The following FOXO3 variants were observed in gnomAD, a reference collection of about 807,000 sequenced individuals.
The protein encoded by FOXO3 is forkhead box protein O3.
A neutral mutation model predicts 41.9 loss-of-function variants in FOXO3; 4 were observed. The observed-to-expected ratio is 0.10, with a 90% CI of 0.05 to 0.22. FOXO3 has a LOEUF of 0.22. Among genes scored for constraint, FOXO3 ranks in the 10% least tolerant of loss-of-function variants. FOXO3 has a pLI of 1.00. For missense variants in FOXO3, 534 were observed against 906.8 expected (o/e 0.59, Z 5.28); for synonymous variants, 318 against 389.3 (o/e 0.82, Z 2.16).
At chr6:108,623,736 A>G (rs1777735682) in intron 1 of FOXO3, among the ~76,000 whole-genome samples, 1 of 152,138 alleles carries the variant, frequency 6.6e-6, no homozygotes, top group Admixed American at 6.5e-5. Context: ...AGGGGAAGGG[A>G]AGGAAATTCA....
Position 108,579,002 on chromosome 6 carries a change from A to G in FOXO3, c.621+17173A>G, listed in dbSNP as rs140702509. Among the ~76,000 whole-genome samples the G allele has an allele frequency of 5.6e-4, 85 of 152,328 alleles. 1 individual carries two copies. The highest frequency in any genetic ancestry group is 2.0e-3 in the African/African-American group (83 of 41,580). On this transcript the variant is annotated intron_variant, in intron 1 of 2. Transcript: ENST00000406360. ...AGCAGGGCCTCATGATCAGCTAGCTATATCAAACCTAGCTGGTGGCTTTAG... is the reference window on the plus strand; with the variant it reads ...AGCAGGGCCTCATGATCAGCTAGCTGTATCAAACCTAGCTGGTGGCTTTAG...
At chr6:108,671,501 C>T (rs1284887492) in intron 2 of FOXO3, among the ~76,000 whole-genome samples, 1 of 152,196 alleles carries the variant, frequency 6.6e-6, no homozygotes, top group Non-Finnish European at 1.5e-5. Flanking sequence ...AGTCAAGTCC[C>T]TCATCTCTCA....
At chr6:108,641,040 G>C (rs942137164) in intron 1 of FOXO3, among the ~76,000 whole-genome samples, 1 of 151,996 alleles carries the variant, frequency 6.6e-6, no homozygotes, top group Non-Finnish European at 1.5e-5. Context: ...CTCCTGAATA[G>C]CTGGGGTTAC....
intron 1 of FOXO3, among the ~76,000 whole-genome samples, chr6:108,572,386 A>G (rs755699802): frequency 1.2e-4 from 18 of 152,290 alleles, no homozygotes; most frequent in South Asian, 4.1e-4. Flanking sequence ...AGTGTGTCCT[A>G]TGGTTGGTTC....
At chr6:108,667,123 G>C (rs752717561) in intron 2 of FOXO3, among the ~76,000 whole-genome samples, 2 of 152,096 alleles carry the variant, frequency 1.3e-5, no homozygotes, top group Admixed American at 6.5e-5. Flanking sequence ...AGGCCTAAGA[G>C]ACCCCTAATG....
chr6:108,624,988 C>T (rs1449306107), intron 1 of FOXO3, among the ~76,000 whole-genome samples: 1 of 152,064 alleles, frequency 6.6e-6, no homozygotes, highest in Non-Finnish European at 1.5e-5. Flanking sequence ...TGCTTTGTTT[C>T]CCAGGCTGGT....
intron 1 of FOXO3, among the ~76,000 whole-genome samples, chr6:108,590,268 C>T (rs1225282829): frequency 6.6e-6 from 1 of 151,856 alleles, no homozygotes; most frequent in Non-Finnish European, 1.5e-5. Context: ...GAACTACAAG[C>T]GTGAGCCACC....
At chr6:108,628,732 C>T (rs1034636196) in intron 1 of FOXO3, among the ~76,000 whole-genome samples, 6 of 152,092 alleles carry the variant, frequency 3.9e-5, no homozygotes, top group Non-Finnish European at 7.4e-5. Context: ...ACTCTGCAGC[C>T]GGGTTATAGC....
At chr6:108,573,508 C>T (rs1776169369) in intron 1 of FOXO3, among the ~76,000 whole-genome samples, 3 of 152,050 alleles carry the variant, frequency 2.0e-5, no homozygotes, top group African/African-American at 7.2e-5. Context: ...AGGCTCCTTC[C>T]CTTGATTTTT....
At chr6:108,665,072 G>A (rs1779009653) in intron 2 of FOXO3, among the ~76,000 whole-genome samples, 183 bp downstream of exon 2, 1 of 152,200 alleles carries the variant, frequency 6.6e-6, no homozygotes, top group Non-Finnish European at 1.5e-5. Context: ...AAATAGGGCT[G>A]TCAGGTGCCC....
At chr6:108,626,587 T>C (rs1777819435) in intron 1 of FOXO3, among the ~76,000 whole-genome samples, 1 of 149,874 alleles carries the variant, frequency 6.7e-6, no homozygotes, top group Non-Finnish European at 1.5e-5. Flanking sequence ...TCTCAGATTA[T>C]TTTGTTTCCA....
intron 1 of FOXO3, among the ~76,000 whole-genome samples, chr6:108,661,255 A>T (rs1040593168): frequency 6.6e-6 from 1 of 151,844 alleles, no homozygotes; most frequent in African/African-American, 2.4e-5. Flanking sequence ...CGGCGGGGGG[A>T]ACATTCTGGT....
chr6:108,592,253 C>T (rs1275160541), intron 1 of FOXO3, among the ~76,000 whole-genome samples: 1 of 152,096 alleles, frequency 6.6e-6, no homozygotes, highest in Non-Finnish European at 1.5e-5. Context: ...TAAGCATATG[C>T]TTAAAATGGG....
At chr6:108,613,196 T>G (rs190367117) in intron 1 of FOXO3, among the ~76,000 whole-genome samples, 1 of 152,352 alleles carries the variant, frequency 6.6e-6, no homozygotes, top group East Asian at 1.9e-4. Flanking sequence ...GGAATATTGA[T>G]CTATACATTT....
At chr6:108,640,682 AATAG>A (rs560700624) in intron 1 of FOXO3, among the ~76,000 whole-genome samples, 196 of 152,308 alleles carry the variant, frequency 1.3e-3, no homozygotes, top group Non-Finnish European at 2.3e-3. Context: ...ATGTACAATT[AATAG>A]ATAGAAAATT....
At chr6:108,573,747 T>C (rs768559057) in intron 1 of FOXO3, among the ~76,000 whole-genome samples, 94 of 151,174 alleles carry the variant, frequency 6.2e-4, no homozygotes, top group Non-Finnish European at 1.1e-3. Flanking sequence ...GAGAATTGCT[T>C]GAACCCGGGA....
intron 1 of FOXO3, among the ~76,000 whole-genome samples, chr6:108,598,027 G>A (rs1299831295): frequency 1.3e-5 from 2 of 152,180 alleles, no homozygotes; most frequent in African/African-American, 4.8e-5. Flanking sequence ...TGAACATTCA[G>A]ATTAAAGCAA....
chr6:108,643,388 A>C (rs1394559254), intron 1 of FOXO3, among the ~76,000 whole-genome samples: 2 of 152,164 alleles, frequency 1.3e-5, no homozygotes, highest in African/African-American at 4.8e-5. Context: ...AGGTTACTTA[A>C]TGTTGCTTGT....
chr6:108,587,134 C>T (rs915294157), intron 1 of FOXO3, among the ~76,000 whole-genome samples: 35 of 151,902 alleles, frequency 2.3e-4, no homozygotes, highest in Admixed American at 2.3e-3. Flanking sequence ...TCTGAAGAAA[C>T]TGAGGCTAAC....
Sources: gnomAD v4.1 joint callset for allele counts (sites outside exome capture counted in the v4.1 genomes callset) on GRCh38, gnomAD v4.1.1 for gene constraint, MANE v1.5 for transcripts, NCBI Gene and HGNC (gene_info 2026-07-23, HGNC 2026-07-21) for gene names.